Variants in LRP6 observed in about 807,000 individuals in gnomAD.
The protein encoded by LRP6 is LDL receptor related protein 6.
In LRP6, 43 loss-of-function variants were observed where a neutral mutation model predicts 184.1. The observed-to-expected ratio is 0.23, with a 90% confidence interval of 0.18 to 0.30. The LOEUF is 0.30. LRP6 is among the 10% of genes least tolerant of loss of function. The pLI is 1.00. For synonymous variants in LRP6, 719 were observed against 684.9 expected, an observed-to-expected ratio of 1.05 and a Z score of -0.78; for missense variants, 1,571 against 2,005.3, an observed-to-expected ratio of 0.78 and a Z score of 4.14.
At chr12:12,266,484 C>T (rs1188863739) in intron 1 of LRP6, among the ~76,000 whole-genome samples, 197 bp downstream of exon 1, 2 of 152,096 alleles carry the variant, frequency 1.3e-5, no homozygotes, top group Non-Finnish European at 2.9e-5. Context: ...GGAAGCCAGG[C>T]CAGGTCCGCA....
At chr12:12,138,937 C>A (rs757900795) in intron 15 of LRP6, 13 of 1,367,590 alleles carry the variant, frequency 9.5e-6, no homozygotes, top group Non-Finnish European at 1.3e-5. Flanking sequence ...CCCCACCTGG[C>A]TTCTCAGAAC....
intron 1 of LRP6, among the ~76,000 whole-genome samples, chr12:12,264,199 T>G (rs938162538): frequency 6.6e-6 from 1 of 152,096 alleles, no homozygotes; most frequent in Non-Finnish European, 1.5e-5. Context: ...ATGAAAGCAT[T>G]TGAGGATATG....
rs76254049 is a variant in LRP6 at position 12,189,304 on chromosome 12, C to T, written c.648-2185G>A. On this transcript the variant is annotated intron_variant, in intron 3 of 22. Coordinates refer to ENST00000261349, the MANE Select transcript of LRP6 (RefSeq NM_002336.3). ...GTTAATGTGAAGATTAAATAACATA[C>T]GCAAAAGCCATTCAGCACTACGCTT... Among the ~76,000 whole-genome samples the T allele has an allele frequency of 5.9e-3, 904 of 152,260 alleles. 6 individuals are homozygous for T. The highest frequency in any genetic ancestry group is 0.021 in the African/African-American group (852 of 41,542).
At chr12:12,138,296 C>T in intron 16 of LRP6, 29 bp downstream of exon 16, 1 of 1,534,484 alleles carries the variant, frequency 6.5e-7, no homozygotes, top group Non-Finnish European at 9.0e-7. Flanking sequence ...CATGATTCCT[C>T]CAATTAGCTT....
intron 4 of LRP6, among the ~76,000 whole-genome samples, chr12:12,184,752 G>A (rs1336556533): frequency 6.6e-6 from 1 of 152,102 alleles, no homozygotes; most frequent in African/African-American, 2.4e-5. Flanking sequence ...TAATTATGTT[G>A]AAAAGTCATG....
At chr12:12,237,106 C>T (rs1256170457) in intron 2 of LRP6, among the ~76,000 whole-genome samples, 1 of 152,124 alleles carries the variant, frequency 6.6e-6, no homozygotes, top group East Asian at 1.9e-4. Flanking sequence ...ATGTTCCTAT[C>T]ACCCAGGAAA....
At position 12,137,630 on chromosome 12, in the gene LRP6, T is replaced by G. The variant is rs187610355; in HGVS notation, c.3607+695A>C. On this transcript the variant is annotated intron_variant, in intron 16 of 22. Transcript: ENST00000261349. ...ACTATATTCATCATTATATAATTTTTACTTTTTTTCAAGCTATGGGGGGAA... is the reference window on the plus strand; with the variant it reads ...ACTATATTCATCATTATATAATTTTGACTTTTTTTCAAGCTATGGGGGGAA... Among the ~76,000 whole-genome samples the G allele has an allele frequency of 7.3e-3, 1,109 of 152,298 alleles. 11 individuals are homozygous for G. The highest frequency in any genetic ancestry group is 0.011 in the Non-Finnish European group (756 of 68,020).
At chr12:12,216,949 G>T (rs1342483877) in intron 2 of LRP6, among the ~76,000 whole-genome samples, 1 of 149,968 alleles carries the variant, frequency 6.7e-6, no homozygotes, top group African/African-American at 2.5e-5. Flanking sequence ...TTGTTTCTCT[G>T]CTTTTGGTTC....
chr12:12,159,502 TATATATATTTTACTGGTACA>T (rs1212211720), intron 11 of LRP6, among the ~76,000 whole-genome samples: 1 of 152,174 alleles, frequency 6.6e-6, no homozygotes, highest in Non-Finnish European at 1.5e-5. Flanking sequence ...AAGATGGAAA[TATATATATTTTACTGGTACA>T]AAAGTCATTT....
chr12:12,226,813 A>G (rs1864637128), intron 2 of LRP6: 1 of 152,182 alleles, frequency 6.6e-6, no homozygotes, highest in South Asian at 2.1e-4. Context: ...GAACTGTGGG[A>G]CAATTATTAT....
rs557773468 is a variant in LRP6 at position 12,155,155 on chromosome 12, C to A, written c.2791+3674G>T. On this transcript the variant is annotated intron_variant, in intron 12 of 22. Coordinates refer to ENST00000261349, the MANE Select transcript of LRP6 (RefSeq NM_002336.3). ...ATGTTGCAGTGAGCCAAGATCACGCCACTTTACTCCAGCCTGGGTGACAGT... is the reference window on the plus strand; with the variant it reads ...ATGTTGCAGTGAGCCAAGATCACGCAACTTTACTCCAGCCTGGGTGACAGT... 2.1e-4 allele frequency: 99 copies of A among 472,014 alleles called. 1 individual carries two copies. The Middle Eastern group carries it at 2.5e-3, about 12-fold the overall frequency. The allele number at this position is 472,014 out of a possible 1,614,324, so 29.2% of individuals were successfully genotyped here.
chr12:12,178,626 C>G (rs1402535354), intron 7 of LRP6, among the ~76,000 whole-genome samples: 1 of 152,170 alleles, frequency 6.6e-6, no homozygotes, highest in Non-Finnish European at 1.5e-5. Context: ...GAAACATAAA[C>G]TCATAACCTT....
Position 12,121,411 on chromosome 12 carries a change from T to C in LRP6, c.4557A>G (p.Pro1519=), listed in dbSNP as rs969552452. ...PSTHRSYSYR[P]YSYRHFAPPT... ...GGGGTGCAAAGTGCCGGTAGCTATA[T>C]GGCCTGTAGCTGGTATAGGGAGAAA... The change falls in exon 23 of 23, where the codon CCA becomes CCG. Residue 1519 remains proline, a synonymous_variant. Coordinates refer to ENST00000261349, the MANE Select transcript of LRP6 (RefSeq NM_002336.3). 3 of 1,613,768 alleles carry C rather than the reference T, an allele frequency of 1.9e-6. No homozygotes were observed. Among genetic ancestry groups the C allele is most frequent in the Non-Finnish European group, 2.5e-6 (3 of 1,179,846 alleles).
At chr12:12,164,970 A>C (rs1862839840) in intron 8 of LRP6, 109 bp downstream of exon 8, 4 of 702,248 alleles carry the variant, frequency 5.7e-6, no homozygotes, top group Non-Finnish European at 1.0e-5. Flanking sequence ...GGGGGGCAGT[A>C]AAGAAGGTTT....
chr12:12,236,489 G>A (rs1565693423), intron 2 of LRP6, among the ~76,000 whole-genome samples: 2 of 152,180 alleles, frequency 1.3e-5, no homozygotes, highest in Non-Finnish European at 2.9e-5. Flanking sequence ...GGTGACGGGG[G>A]GGTTCCCCAC....
At chr12:12,218,686 A>G (rs1864411423) in intron 2 of LRP6, among the ~76,000 whole-genome samples, 1 of 151,930 alleles carries the variant, frequency 6.6e-6, no homozygotes, top group South Asian at 2.1e-4. Context: ...AGAGAGGGCC[A>G]GGCACAGAGG....
intron 1 of LRP6, among the ~76,000 whole-genome samples, chr12:12,248,582 C>T (rs376425198): frequency 1.5e-4 from 22 of 149,030 alleles, no homozygotes; most frequent in African/African-American, 4.7e-4. Context: ...CCCGGGTTCA[C>T]GCCATTCTCC....
At chr12:12,150,197 G>C (rs1182051245) in intron 13 of LRP6, among the ~76,000 whole-genome samples, 1 of 152,122 alleles carries the variant, frequency 6.6e-6, no homozygotes, top group Non-Finnish European at 1.5e-5. Flanking sequence ...CGATAGTGAT[G>C]TGTAAATCCA....
intron 20 of LRP6, 53 bp from the exon 21 acceptor site, chr12:12,125,485 AT>A: frequency 6.6e-7 from 1 of 1,515,872 alleles, no homozygotes; most frequent in Non-Finnish European, 9.1e-7. Context: ...ATAAAAATGT[AT>A]CAAGCAATTT....
Sources: allele counts gnomAD v4.1 joint callset (sites outside exome capture counted in the v4.1 genomes callset), GRCh38; gene constraint gnomAD v4.1.1; transcripts MANE v1.5; gene names NCBI Gene and HGNC (gene_info 2026-07-23, HGNC 2026-07-21).